Variants in CTNNA3 observed in about 807,000 individuals in gnomAD.
CTNNA3 encodes catenin alpha-3.
Under a neutral mutation model 95.7 loss-of-function variants are expected in CTNNA3, and 76 were observed. That is an observed-to-expected ratio of 0.79 (90% confidence interval 0.66 to 0.96). The LOEUF is 0.96. Ranked by LOEUF, CTNNA3 falls within the 40% of genes least tolerant of loss-of-function variation. The pLI, the probability that CTNNA3 is intolerant of heterozygous loss-of-function variation, is 0.00. For synonymous variants in CTNNA3, 431 were observed against 374.4 expected (o/e 1.15, Z -1.74); for missense variants, 1,191 against 1,089.8 (o/e 1.09, Z -1.31).
At chr10:66,528,375 T>A (rs1208285110) in intron 10 of CTNNA3, among the ~76,000 whole-genome samples, 2 of 152,150 alleles carry the variant, frequency 1.3e-5, no homozygotes, top group Non-Finnish European at 2.9e-5. Flanking sequence ...TCTAAACTCA[T>A]TTACCTTGGG....
At chr10:66,234,395 A>T (rs999468118) in intron 13 of CTNNA3, among the ~76,000 whole-genome samples, 6 of 152,170 alleles carry the variant, frequency 3.9e-5, no homozygotes, top group African/African-American at 1.4e-4. Flanking sequence ...ACAGACAAAC[A>T]CATTCACATA....
At chr10:66,538,332 G>A (rs767882099) in intron 10 of CTNNA3, among the ~76,000 whole-genome samples, 112 of 152,162 alleles carry the variant, frequency 7.4e-4, no homozygotes, top group Non-Finnish European at 1.2e-3. Flanking sequence ...AGAGTCTTTC[G>A]GGTAATTGGT....
At chr10:66,903,301 G>C (rs561706104) in intron 7 of CTNNA3, among the ~76,000 whole-genome samples, 1 of 152,266 alleles carries the variant, frequency 6.6e-6, no homozygotes, top group South Asian at 2.1e-4. Flanking sequence ...AATAGATGCA[G>C]AAAAGGCCTT....
intron 7 of CTNNA3, among the ~76,000 whole-genome samples, chr10:66,858,934 C>T (rs1457407775): frequency 6.6e-6 from 1 of 151,888 alleles, no homozygotes; most frequent in African/African-American, 2.4e-5. Flanking sequence ...TGAGTTCAAC[C>T]ATTTTGAAAA....
intron 13 of CTNNA3, among the ~76,000 whole-genome samples, chr10:66,177,132 T>C (rs2085756465): frequency 6.6e-6 from 1 of 152,070 alleles, no homozygotes; most frequent in African/African-American, 2.4e-5. Flanking sequence ...GCTGAAAACC[T>C]GAATGTTTTG....
intron 10 of CTNNA3, among the ~76,000 whole-genome samples, chr10:66,618,967 T>C (rs1182075681): frequency 2.0e-5 from 3 of 152,106 alleles, no homozygotes; most frequent in African/African-American, 7.2e-5. Context: ...AAAATGCTCA[T>C]CATCACTGGC....
chr10:66,624,290 G>T (rs1844854769), intron 9 of CTNNA3, among the ~76,000 whole-genome samples: 1 of 152,082 alleles, frequency 6.6e-6, no homozygotes, highest in African/African-American at 2.4e-5. Flanking sequence ...ACCTCACTGG[G>T]ATGCTTTGAG....
intron 11 of CTNNA3, among the ~76,000 whole-genome samples, chr10:66,427,582 C>T (rs1178685851): frequency 1.3e-5 from 2 of 152,072 alleles, no homozygotes; most frequent in African/African-American, 2.4e-5. Context: ...GTAACATGGA[C>T]ATTTGAAGTC....
At chr10:67,277,701 G>T (rs552245288) in intron 5 of CTNNA3, among the ~76,000 whole-genome samples, 1 of 152,152 alleles carries the variant, frequency 6.6e-6, no homozygotes, top group African/African-American at 2.4e-5. Context: ...AATGAAGATG[G>T]CATCAAAAGT....
chr10:66,908,957 TACAA>T (rs1328889075), intron 7 of CTNNA3, among the ~76,000 whole-genome samples: 9 of 152,194 alleles, frequency 5.9e-5, no homozygotes, highest in African/African-American at 2.2e-4. Context: ...AGGACCAGAT[TACAA>T]ACAGTCATTT....
At chr10:67,478,108 T>A (rs1246281781) in intron 5 of CTNNA3, among the ~76,000 whole-genome samples, 1 of 152,202 alleles carries the variant, frequency 6.6e-6, no homozygotes, top group Non-Finnish European at 1.5e-5. Context: ...ATAGGTCTTT[T>A]TGAATTAACT....
chr10:66,644,468 T>C (rs1434417027), intron 9 of CTNNA3, among the ~76,000 whole-genome samples: 1 of 80,150 alleles, frequency 1.2e-5, no homozygotes, highest in Non-Finnish European at 2.3e-5. Context: ...TATATATATA[T>C]ATATGTTTAT....
chr10:66,887,439 A>C (rs1302145205), intron 7 of CTNNA3, among the ~76,000 whole-genome samples: 1 of 152,180 alleles, frequency 6.6e-6, no homozygotes. Flanking sequence ...CAATGAAAAA[A>C]TGAAGTTTCA....
At chr10:66,446,582 T>A (rs544496667) in intron 11 of CTNNA3, among the ~76,000 whole-genome samples, 1 of 152,074 alleles carries the variant, frequency 6.6e-6, no homozygotes, top group East Asian at 1.9e-4. Flanking sequence ...ACCACATGAT[T>A]ATCTCAATAG....
chr10:65,992,211 T>C (rs2078560340), intron 15 of CTNNA3, among the ~76,000 whole-genome samples: 1 of 152,122 alleles, frequency 6.6e-6, no homozygotes, highest in Admixed American at 6.6e-5. Flanking sequence ...TAGTTTTCTT[T>C]CTTTCTTGTG....
At chr10:67,762,657 C>T (rs1043014642) in intron 1 of CTNNA3, among the ~76,000 whole-genome samples, 2 of 152,184 alleles carry the variant, frequency 1.3e-5, no homozygotes. Context: ...GACCACCCCT[C>T]ATATTGTCTC....
intron 7 of CTNNA3, among the ~76,000 whole-genome samples, chr10:66,883,702 C>CT (rs964572547): frequency 2.0e-5 from 3 of 152,172 alleles, no homozygotes; most frequent in Non-Finnish European, 2.9e-5. Flanking sequence ...GCTGCCTGCT[C>CT]TTTTTTCATT....
chr10:66,226,753 A>G (rs1030732586), intron 13 of CTNNA3, among the ~76,000 whole-genome samples: 1 of 151,782 alleles, frequency 6.6e-6, no homozygotes, highest in Non-Finnish European at 1.5e-5. Context: ...TATAATTTTC[A>G]TTGTAGAGAA....
At chr10:67,480,992 G>GT (rs1037426977) in intron 5 of CTNNA3, among the ~76,000 whole-genome samples, 2 of 152,102 alleles carry the variant, frequency 1.3e-5, no homozygotes, top group African/African-American at 2.4e-5. Flanking sequence ...TTTGTTAGGA[G>GT]TTTTTTATCA....
Sources: gnomAD v4.1 joint callset for allele counts (sites outside exome capture counted in the v4.1 genomes callset) on GRCh38, gnomAD v4.1.1 for gene constraint, MANE v1.5 for transcripts, NCBI Gene and HGNC (gene_info 2026-07-23, HGNC 2026-07-21) for gene names.